The following SLIT3 variants were observed in gnomAD, a reference collection of about 807,000 sequenced individuals.
The protein encoded by SLIT3 is slit guidance ligand 3.
A neutral mutation model predicts 184.0 loss-of-function variants in SLIT3; 68 were observed. The ratio of observed to expected loss-of-function variants is 0.37; its 90% CI spans 0.30 to 0.45. The LOEUF is 0.45. SLIT3 is among the 20% of genes least tolerant of loss of function. SLIT3 has a pLI of 1.00. For synonymous variants in SLIT3, 831 were observed against 828.6 expected (o/e 1.00, Z -0.05); for missense variants, 1,707 against 2,026.0 (o/e 0.84, Z 3.02).
chr5:168,908,226 T>C (rs1222645212), intron 4 of SLIT3, among the ~76,000 whole-genome samples: 1 of 152,208 alleles, frequency 6.6e-6, no homozygotes, highest in East Asian at 1.9e-4. Context: ...TCTTTTTAAA[T>C]GGTTGCATTA....
chr5:168,946,537 C>T (rs1010245098), intron 4 of SLIT3, among the ~76,000 whole-genome samples: 5 of 152,242 alleles, frequency 3.3e-5, no homozygotes, highest in African/African-American at 7.2e-5. Context: ...GCCTTGTTCA[C>T]GCAGCACAAC....
chr5:168,784,421 G>C (rs548435751), intron 12 of SLIT3, among the ~76,000 whole-genome samples: 8 of 152,300 alleles, frequency 5.3e-5, no homozygotes, highest in African/African-American at 1.9e-4. Flanking sequence ...GGAAGACAGA[G>C]ATGGGGGAGA....
chr5:168,730,746 T>C (rs1048491949), intron 20 of SLIT3, among the ~76,000 whole-genome samples: 9 of 151,916 alleles, frequency 5.9e-5, no homozygotes, highest in Non-Finnish European at 1.2e-4. Flanking sequence ...GGGAAGTTAA[T>C]AGCATTGAAT....
chr5:169,296,673 G>T (rs1350125425), intron 1 of SLIT3, among the ~76,000 whole-genome samples: 7 of 152,228 alleles, frequency 4.6e-5, no homozygotes, highest in Admixed American at 4.6e-4. Context: ...CTATGACATG[G>T]TGTCAGTTTT....
intron 4 of SLIT3, among the ~76,000 whole-genome samples, chr5:168,973,732 A>C (rs1351057814): frequency 6.6e-6 from 1 of 152,118 alleles, no homozygotes; most frequent in Non-Finnish European, 1.5e-5. Flanking sequence ...ACAAACTCCT[A>C]TACCCTCTTC....
At chr5:168,695,476 C>T (rs1335358788) in intron 28 of SLIT3, among the ~76,000 whole-genome samples, 1 of 152,168 alleles carries the variant, frequency 6.6e-6, no homozygotes, top group Non-Finnish European at 1.5e-5. Flanking sequence ...TTATTATATG[C>T]AGTGCTTCCC....
intron 5 of SLIT3, among the ~76,000 whole-genome samples, chr5:168,877,207 G>A (rs1301721880): frequency 2.6e-5 from 4 of 152,182 alleles, no homozygotes; most frequent in Non-Finnish European, 4.4e-5. Flanking sequence ...GTGCTCTGAA[G>A]AAATATGACT....
intron 8 of SLIT3, 104 bp downstream of exon 8, chr5:168,817,196 A>C: frequency 9.3e-7 from 1 of 1,073,024 alleles, no homozygotes; most frequent in African/African-American, 1.6e-5. Context: ...CTTCCACACC[A>C]AGCTCTGGGC....
chr5:169,049,289 A>G (rs917127223), intron 4 of SLIT3, among the ~76,000 whole-genome samples: 1 of 152,162 alleles, frequency 6.6e-6, no homozygotes, highest in Non-Finnish European at 1.5e-5. Context: ...AGTGTAATTC[A>G]CTATGTTCGA....
At chr5:168,878,717 C>CTT (rs35132944) in intron 5 of SLIT3, among the ~76,000 whole-genome samples, 2,553 of 140,736 alleles carry the variant, frequency 0.018, 52 homozygotes, top group African/African-American at 0.055. Flanking sequence ...CAGTTTCTTC[C>CTT]TTTTTTTTTT....
intron 13 of SLIT3, 52 bp downstream of exon 13, chr5:168,774,183 T>G: frequency 3.2e-6 from 5 of 1,544,624 alleles, no homozygotes; most frequent in Non-Finnish European, 4.4e-6. Flanking sequence ...GATGGGCATT[T>G]GGGGTCTCCT....
chr5:169,256,364 T>C (rs1765959429), intron 1 of SLIT3, among the ~76,000 whole-genome samples: 1 of 152,226 alleles, frequency 6.6e-6, no homozygotes, highest in East Asian at 1.9e-4. Flanking sequence ...TACAACTGCC[T>C]ATAGTATTCA....
chr5:168,899,313 C>T (rs1760786791), intron 4 of SLIT3, among the ~76,000 whole-genome samples: 1 of 152,054 alleles, frequency 6.6e-6, no homozygotes, highest in South Asian at 2.1e-4. Flanking sequence ...GTCAGAAGTT[C>T]AAGACTAGCT....
At chr5:168,777,983 T>G (rs992179572) in intron 12 of SLIT3, among the ~76,000 whole-genome samples, 2 of 152,112 alleles carry the variant, frequency 1.3e-5, no homozygotes, top group Non-Finnish European at 1.5e-5. Flanking sequence ...AAACAAACAT[T>G]TGAAATGAGG....
At chr5:169,264,376 G>T (rs1766319941) in intron 1 of SLIT3, among the ~76,000 whole-genome samples, 1 of 152,082 alleles carries the variant, frequency 6.6e-6, no homozygotes, top group Admixed American at 6.5e-5. Flanking sequence ...GTAGAGATAG[G>T]GTTTCACCAT....
At chr5:169,239,004 C>T (rs1435151996) in intron 3 of SLIT3, among the ~76,000 whole-genome samples, 1 of 152,148 alleles carries the variant, frequency 6.6e-6, no homozygotes, top group East Asian at 1.9e-4. Context: ...TGCTTTCTCC[C>T]ACACAGATGA....
chr5:169,119,685 T>C (rs1200935347), intron 4 of SLIT3, among the ~76,000 whole-genome samples: 1 of 152,110 alleles, frequency 6.6e-6, no homozygotes, highest in East Asian at 1.9e-4. Context: ...GAAGAACGTG[T>C]CTTTGGCTAA....
At chr5:168,804,310 C>CAA (rs770650322) in intron 9 of SLIT3, among the ~76,000 whole-genome samples, 22 of 52,370 alleles carry the variant, frequency 4.2e-4, no homozygotes, top group African/African-American at 6.4e-4. Context: ...AACTCTTTCT[C>CAA]AAAAAAAAAA....
chr5:169,063,696 C>A (rs1415932451), intron 4 of SLIT3, among the ~76,000 whole-genome samples: 1 of 152,204 alleles, frequency 6.6e-6, no homozygotes, highest in East Asian at 1.9e-4. Context: ...GTATTTAAAT[C>A]TGTGAAATGC....
Sources: allele counts gnomAD v4.1 joint callset (sites outside exome capture counted in the v4.1 genomes callset), GRCh38; gene constraint gnomAD v4.1.1; transcripts MANE v1.5; gene names NCBI Gene and HGNC (gene_info 2026-07-23, HGNC 2026-07-21).